The following TRIO variants were observed in gnomAD, a reference collection of about 807,000 sequenced individuals.
TRIO encodes the protein trio Rho guanine nucleotide exchange factor, also known as triple functional domain protein.
In TRIO, 58 loss-of-function variants were observed where a neutral mutation model predicts 351.9. The ratio of observed to expected loss-of-function variants is 0.16; its 90% CI spans 0.13 to 0.21. The LOEUF (loss-of-function observed/expected upper bound fraction) is 0.21. Ranked by LOEUF, TRIO falls within the 10% of genes least tolerant of loss-of-function variation. The pLI is 1.00. For missense variants in TRIO, 3,201 were observed against 4,027.8 expected, an observed-to-expected ratio of 0.79 and a Z score of 5.56; for synonymous variants, 1,758 against 1,595.7, an observed-to-expected ratio of 1.10 and a Z score of -2.42.
intron 34 of TRIO, among the ~76,000 whole-genome samples, chr5:14,444,995 T>G (rs1752332234): frequency 6.6e-6 from 1 of 152,232 alleles, no homozygotes; most frequent in Non-Finnish European, 1.5e-5. Flanking sequence ...GCAGGCACCC[T>G]CCTCGTTTAA....
At chr5:14,464,160 A>G (rs1754057708) in intron 36 of TRIO, among the ~76,000 whole-genome samples, 1 of 152,156 alleles carries the variant, frequency 6.6e-6, no homozygotes, top group Non-Finnish European at 1.5e-5. Context: ...TGGCTAGGAC[A>G]TGGGGCTGTG....
intron 3 of TRIO, among the ~76,000 whole-genome samples, chr5:14,283,505 C>T (rs369935080): frequency 6.6e-5 from 10 of 152,304 alleles, no homozygotes; most frequent in African/African-American, 1.9e-4. Context: ...AAGATTATTC[C>T]TGTAATCTTG....
intron 21 of TRIO, among the ~76,000 whole-genome samples, chr5:14,381,966 C>T (rs748453185): frequency 6.6e-6 from 1 of 152,202 alleles, no homozygotes; most frequent in African/African-American, 2.4e-5. Context: ...CTGAGTCCTT[C>T]CAAGAACTCA....
In TRIO at chr5:14,498,089, T is replaced by G; in HGVS notation, c.8048T>G (p.Val2683Gly). 1 of 1,614,096 alleles carries G rather than the reference T, an allele frequency of 6.2e-7. No individual in the cohort carries two copies. The highest frequency in any genetic ancestry group is 8.5e-7 in the Non-Finnish European group (1 of 1,180,012). The stretch of plus-strand genomic sequence containing the variant: ...CTTTACCGACTCCTTTCCCATGCAG[T>G]TCCCCCAGAATTCGTCATTCCATTG... ...KLLNPNYIYD[V>G]PPEFVIPLSE... The change falls in exon 52 of 57, where the codon GTT becomes GGT. Residue 2683 changes from valine (V) to glycine (G), a missense_variant and splice_region_variant. Val to Gly is a moderately radical substitution (Grantham distance 109). Around this residue, in one of 19 missense-constraint regions of TRIO, gnomAD observed 1,089 missense variants for 954.9 expected, o/e 1.14. Transcript: ENST00000344204.
intron 8 of TRIO, among the ~76,000 whole-genome samples, chr5:14,305,896 C>T (rs1402025892): frequency 6.6e-6 from 1 of 152,206 alleles, no homozygotes; most frequent in African/African-American, 2.4e-5. Flanking sequence ...TGTTTAGATA[C>T]ACAAATACTT....
Position 14,336,354 on chromosome 5 carries a change from G to A in TRIO, c.1855-182G>A, listed in dbSNP as rs974148824. Among the ~76,000 whole-genome samples the A allele has an allele frequency of 2.0e-5, 3 of 152,188 alleles. No homozygotes were observed. In the South Asian group the frequency reaches 6.2e-4, roughly 32 times the overall value. On this transcript the variant is annotated intron_variant, in intron 10 of 56. Transcript: ENST00000344204. ...CAAAGTTTAACAATCTAAAACAACAGCGGGAAAGGAATTCTGCATAGAATT... is the reference window on the plus strand; with the variant it reads ...CAAAGTTTAACAATCTAAAACAACAACGGGAAAGGAATTCTGCATAGAATT...
chr5:14,425,656 A>G (rs850589), intron 34 of TRIO, among the ~76,000 whole-genome samples: 81,559 of 152,032 alleles, frequency 0.54, 23,890 homozygotes, highest in East Asian at 0.9. Flanking sequence ...CTAACCGCCA[A>G]TGTGATGGTA....
chr5:14,202,541 T>A (rs1791203596), intron 1 of TRIO, among the ~76,000 whole-genome samples: 1 of 151,682 alleles, frequency 6.6e-6, no homozygotes, highest in Middle Eastern at 3.2e-3. Context: ...AATCTCATCT[T>A]TAATTGTAGC....
chr5:14,336,155 A>G (rs941061625), intron 10 of TRIO, among the ~76,000 whole-genome samples: 15 of 152,006 alleles, frequency 9.9e-5, no homozygotes, highest in Non-Finnish European at 1.8e-4. Flanking sequence ...ATAGACTGGA[A>G]CTCTCTGCTT....
intron 18 of TRIO, among the ~76,000 whole-genome samples, chr5:14,371,042 T>C (rs770407866): frequency 2.0e-5 from 3 of 152,242 alleles, no homozygotes; most frequent in Non-Finnish European, 2.9e-5. Flanking sequence ...ATACAACCAT[T>C]GATTTTCACT....
Position 14,374,309 on chromosome 5 carries a change from G to A in TRIO, c.3297G>A (p.Val1099=). The change falls in exon 19 of 57, where the codon GTG becomes GTA. Residue 1099 remains valine (V), a synonymous_variant. Transcript: ENST00000344204. ...HRNSVNMPGM[V]THIKAPEQQV... The stretch of plus-strand genomic sequence containing the variant: ...ACAGCGTGAACATGCCAGGAATGGT[G>A]ACGCACATCAAAGCTCCTGAACAGC... 2 of 1,613,516 alleles carry A rather than the reference G, an allele frequency of 1.2e-6. No homozygotes were observed. Among genetic ancestry groups the A allele is most frequent in the Non-Finnish European group, 1.7e-6 (2 of 1,179,662 alleles).
Position 14,239,037 on chromosome 5 carries a change from G to C in TRIO, c.158-31788G>C, listed in dbSNP as rs1036797211. 2.0e-5 allele frequency among the ~76,000 whole-genome samples: 3 copies of C among 152,214 alleles called. No homozygotes were observed. In the East Asian group the frequency reaches 5.8e-4, roughly 29 times the overall value. ...TGGACTTATTTTTCCATACACGATG[G>C]TAAGAGGTGACGTATAACCTAAGAT... is the stretch of plus-strand genomic sequence containing the variant. On this transcript the variant is annotated intron_variant, in intron 1 of 56. Transcript: ENST00000344204.
chr5:14,375,456 C>T (rs967580944), intron 19 of TRIO, among the ~76,000 whole-genome samples: 2 of 152,174 alleles, frequency 1.3e-5, no homozygotes, highest in African/African-American at 2.4e-5. Context: ...TTTATTCCCT[C>T]GTTAGATCTT....
In TRIO at chr5:14,390,130, T is replaced by A. The variant is rs1248994174; in HGVS notation, c.4059-101T>A. On this transcript the variant is annotated intron_variant, in intron 25 of 56. Transcript: ENST00000344204. ...CCTAGTTAAGAGCTACATGTTTTGT[T>A]CATTCTTTAGGGGGCACAGATTTCT... is the stretch of plus-strand genomic sequence containing the variant. 5.7e-6 allele frequency: 6 copies of A among 1,057,718 alleles called. No homozygotes were observed. In the East Asian group the frequency reaches 1.5e-4, roughly 26 times the overall value. 65.5% of individuals were successfully genotyped at this position (1,057,718 alleles called of 1,614,324 possible). A position where few individuals can be genotyped will look rare whatever the true frequency, so the allele number is the denominator to read the frequency against.
intron 36 of TRIO, among the ~76,000 whole-genome samples, chr5:14,463,359 C>T (rs916407232): frequency 1.3e-5 from 2 of 152,206 alleles, no homozygotes; most frequent in African/African-American, 2.4e-5. Flanking sequence ...GATGAGGTTA[C>T]ATCACTGTCC....
chr5:14,321,154 G>C (rs778457402), intron 9 of TRIO, among the ~76,000 whole-genome samples: 4 of 152,244 alleles, frequency 2.6e-5, no homozygotes, highest in Non-Finnish European at 4.4e-5. Flanking sequence ...GAATATCTTC[G>C]TGGAAGAGGT....
In TRIO at chr5:14,359,339, C is replaced by G; in HGVS notation, c.2217-18C>G. Reference sequence around the variant, plus strand: ...TGACTTTCTCATCCAATTCCTGTTCCTCTGTGTGCTCTCGCAGGGACTCTG... The same window carrying G: ...TGACTTTCTCATCCAATTCCTGTTCGTCTGTGTGCTCTCGCAGGGACTCTG... On this transcript the variant is annotated intron_variant, in intron 12 of 56. Coordinates refer to ENST00000344204, the MANE Select transcript of TRIO (RefSeq NM_007118.4). 1 of 1,601,424 alleles carries G rather than the reference C, an allele frequency of 6.2e-7. No homozygotes were observed. Among genetic ancestry groups the G allele is most frequent in the South Asian group, 1.1e-5 (1 of 90,708 alleles).
chr5:14,160,588 G>A (rs1788386325), intron 1 of TRIO, among the ~76,000 whole-genome samples: 1 of 152,188 alleles, frequency 6.6e-6, no homozygotes, highest in African/African-American at 2.4e-5. Context: ...TTTTAAAAAT[G>A]TGCTGGGGAA....
At chr5:14,250,213 C>T (rs1476051651) in intron 1 of TRIO, among the ~76,000 whole-genome samples, 1 of 152,210 alleles carries the variant, frequency 6.6e-6, no homozygotes, top group Non-Finnish European at 1.5e-5. Flanking sequence ...GATGTAATCC[C>T]TTTAGCTGCC....
Sources: allele counts gnomAD v4.1 joint callset (sites outside exome capture counted in the v4.1 genomes callset), GRCh38; gene constraint gnomAD v4.1.1; regional missense constraint gnomAD v4.1.1; transcripts MANE v1.5; gene names NCBI Gene and HGNC (gene_info 2026-07-23, HGNC 2026-07-21).